Variants in NMBR observed in about 807,000 individuals in gnomAD.
NMBR encodes neuromedin B receptor, also known as neuromedin-B receptor.
A neutral mutation model predicts 20.5 loss-of-function variants in NMBR; 16 were observed. That is an observed-to-expected ratio of 0.78 (90% CI 0.53 to 1.19). The LOEUF (loss-of-function observed/expected upper bound fraction) is 1.19, where lower values mean the gene tolerates loss of function less well. Ranked by LOEUF, NMBR falls within the 50% of genes most tolerant of loss-of-function variation. The pLI is 0.00. For synonymous variants in NMBR, 212 were observed against 196.6 expected (o/e 1.08, Z -0.65); for missense variants, 582 against 499.1 (o/e 1.17, Z -1.58).
chr6:142,147,091 G>C lies in NMBR; in HGVS notation c.-711C>G, dbSNP rs1374439447. ...GCGCGGCATAAGCGCCAAAATGCTC[G>C]GGTCTTCTGTGGGTTCTAACCGCCG... On this transcript the variant is annotated 5_prime_UTR_variant, in exon 1 of 4. Coordinates refer to ENST00000258042, the MANE Select transcript of NMBR (RefSeq NM_002511.4). 8.6e-6 allele frequency: 5 copies of C among 578,438 alleles called. No individual in the cohort carries two copies. The highest frequency in any genetic ancestry group is 1.9e-5 in the African/African-American group (1 of 53,800). 35.8% of individuals were successfully genotyped at this position (578,438 alleles called of 1,614,324 possible). A position where few individuals can be genotyped will look rare whatever the true frequency, so the allele number is the denominator to read the frequency against.
chr6:142,120,463 A>C (rs574418934), intron 1 of NMBR, among the ~76,000 whole-genome samples: 1 of 152,100 alleles, frequency 6.6e-6, no homozygotes, highest in South Asian at 2.1e-4. Context: ...TAGAGGTAGA[A>C]GCTAAACAGG....
chr6:142,129,228 T>C (rs1778096580), intron 1 of NMBR, among the ~76,000 whole-genome samples: 1 of 151,958 alleles, frequency 6.6e-6, no homozygotes, highest in Non-Finnish European at 1.5e-5. Flanking sequence ...AGTACTGGCA[T>C]ATAGTAGTGA....
chr6:142,111,264 T>C (rs1582851944), intron 1 of NMBR, among the ~76,000 whole-genome samples: 1 of 150,788 alleles, frequency 6.6e-6, no homozygotes, highest in African/African-American at 2.4e-5. Context: ...ACATACCCAA[T>C]GTCTTACACA....
rs557116869 is a variant in NMBR at position 142,112,199 on chromosome 6, G to C, written c.-663-22878C>G. Reference sequence around the variant, plus strand: ...GAACACTTGGCCTGAATGGGAAACTGGTAAATAACCTGCTAGGTATTTTTC... The same window carrying C: ...GAACACTTGGCCTGAATGGGAAACTCGTAAATAACCTGCTAGGTATTTTTC... On this transcript the variant is annotated intron_variant, in intron 1 of 3. Coordinates refer to ENST00000258042, the MANE Select transcript of NMBR (RefSeq NM_002511.4). Among the ~76,000 whole-genome samples, 3 of 152,168 alleles carry C rather than the reference G, an allele frequency of 2.0e-5. No homozygotes were observed. The South Asian group carries it at 6.2e-4, about 32-fold the overall frequency.
chr6:142,097,721 G>A (rs1164026884), intron 1 of NMBR, among the ~76,000 whole-genome samples: 2 of 151,884 alleles, frequency 1.3e-5, no homozygotes, highest in Non-Finnish European at 1.5e-5. Context: ...TAAAAATAAG[G>A]ACAAAAATCA....
chr6:142,102,533 C>T (rs866356406), intron 1 of NMBR, among the ~76,000 whole-genome samples: 2 of 152,076 alleles, frequency 1.3e-5, no homozygotes, highest in African/African-American at 4.8e-5. Context: ...TCTGTTTAGC[C>T]AGTAAGTAAT....
intron 1 of NMBR, among the ~76,000 whole-genome samples, chr6:142,127,757 ATTATT>A (rs539461157): frequency 1.2e-3 from 176 of 151,110 alleles, no homozygotes; most frequent in African/African-American, 4.1e-3. Context: ...TGTAAATGAG[ATTATT>A]TTATTAATTT....
chr6:142,109,017 A>C (rs939897762), intron 1 of NMBR, among the ~76,000 whole-genome samples: 1 of 152,158 alleles, frequency 6.6e-6, no homozygotes, highest in Admixed American at 6.5e-5. Context: ...GCCCCATGCA[A>C]GTCTGAAATC....
chr6:142,143,234 AT>A (rs1365173835), intron 1 of NMBR, among the ~76,000 whole-genome samples: 9 of 152,252 alleles, frequency 5.9e-5, no homozygotes, highest in Admixed American at 1.3e-4. Context: ...GACCTGTACA[AT>A]GAAAACTACG....
At chr6:142,085,975 T>C (rs1777190591) in intron 2 of NMBR, among the ~76,000 whole-genome samples, 1 of 152,044 alleles carries the variant, frequency 6.6e-6, no homozygotes, top group African/African-American at 2.4e-5. Flanking sequence ...TTACATTTTA[T>C]GATGTTTTTT....
intron 1 of NMBR, among the ~76,000 whole-genome samples, chr6:142,107,778 C>A (rs1048328671): frequency 4.0e-5 from 6 of 151,860 alleles, no homozygotes; most frequent in African/African-American, 1.5e-4. Flanking sequence ...GACCTCAAAG[C>A]ATCTAATATA....
intron 1 of NMBR, among the ~76,000 whole-genome samples, chr6:142,096,380 A>G (rs549043608): frequency 2.0e-5 from 3 of 152,162 alleles, no homozygotes; most frequent in African/African-American, 4.8e-5. Context: ...TTCAAAGAAC[A>G]TCTTTATTTC....
intron 1 of NMBR, chr6:142,134,940 G>T: frequency 3.8e-6 from 2 of 527,626 alleles, no homozygotes; most frequent in Non-Finnish European, 3.3e-6. Context: ...ATTACCTATT[G>T]TCATGCTGCA....
rs780191375 is a variant in NMBR, at chr6:142,088,553, T to C, written c.106A>G (p.Thr36Ala). 1 of 1,613,782 alleles carries C rather than the reference T, an allele frequency of 6.2e-7. No individual in the cohort carries two copies. The highest frequency in any genetic ancestry group is 1.7e-5 in the Admixed American group (1 of 59,996). ...ERDFLPASDG[T>A]TTELVIRCVI... ...CAGCGGATCACCAACTCCGTGGTGG[T>C]CCCGTCCGAGGCCGGCAGGAAATCC... is the stretch of plus-strand genomic sequence containing the variant. The change falls in exon 2 of 4, where the codon ACC (threonine) becomes GCC (alanine). Residue 36 changes from threonine (T) to alanine (A), a missense_variant. Physicochemically the swap from Thr to Ala is moderately conservative, Grantham distance 58. Transcript: ENST00000258042.
intron 3 of NMBR, among the ~76,000 whole-genome samples, chr6:142,077,368 AC>A (rs1776969856): frequency 6.6e-6 from 1 of 152,178 alleles, no homozygotes; most frequent in African/African-American, 2.4e-5. Flanking sequence ...AACTTTAGAA[AC>A]CAAAAGCAAA....
At chr6:142,136,471 T>C (rs2114611650) in intron 1 of NMBR, among the ~76,000 whole-genome samples, 1 of 152,340 alleles carries the variant, frequency 6.6e-6, no homozygotes, top group East Asian at 1.9e-4. Flanking sequence ...TGGTAGTTTC[T>C]TTTGCTGTGC....
At chr6:142,116,830 TAAAC>T (rs1777863953) in intron 1 of NMBR, among the ~76,000 whole-genome samples, 1 of 152,032 alleles carries the variant, frequency 6.6e-6, no homozygotes, top group African/African-American at 2.4e-5. Flanking sequence ...TATTCACTGT[TAAAC>T]AAATAAGCCA....
At chr6:142,087,735 T>G (rs1196905359) in intron 2 of NMBR, among the ~76,000 whole-genome samples, 2 of 152,218 alleles carry the variant, frequency 1.3e-5, no homozygotes, top group South Asian at 2.1e-4. Flanking sequence ...TAAGAAATAG[T>G]AAAATTCAGT....
chr6:142,133,153 T>G (rs1249053916), intron 1 of NMBR: 4 of 677,148 alleles, frequency 5.9e-6, no homozygotes, highest in Non-Finnish European at 1.1e-5. Context: ...TAACATCTCC[T>G]GAGACATGTC....
Sources: allele counts gnomAD v4.1 joint callset (sites outside exome capture counted in the v4.1 genomes callset), GRCh38; gene constraint gnomAD v4.1.1; transcripts MANE v1.5; gene names NCBI Gene and HGNC (gene_info 2026-07-23, HGNC 2026-07-21).